TMEM132B: variants seen among roughly 807,000 people sequenced by gnomAD.
TMEM132B encodes transmembrane protein 132B.
Under a neutral mutation model 90.8 loss-of-function variants are expected in TMEM132B, and 18 were observed. That is an observed-to-expected ratio of 0.20 (90% CI 0.14 to 0.29). The LOEUF is 0.29. Among genes scored for constraint, TMEM132B ranks in the 10% least tolerant of loss-of-function variants. The probability of loss-of-function intolerance (pLI) is 1.00; values close to 1 mark genes in which losing one functional copy is unlikely to be tolerated. For missense variants in TMEM132B, 1,096 were observed against 1,326.8 expected, an observed-to-expected ratio of 0.83 and a Z score of 2.70; for synonymous variants, 504 against 523.3, an observed-to-expected ratio of 0.96 and a Z score of 0.50.
intron 5 of TMEM132B, among the ~76,000 whole-genome samples, chr12:125,614,863 G>A (rs1378498526): frequency 6.6e-6 from 1 of 152,106 alleles, no homozygotes; most frequent in African/African-American, 2.4e-5. Flanking sequence ...GTAAGGTGGG[G>A]CTGCTAGCAA....
intron 3 of TMEM132B, among the ~76,000 whole-genome samples, chr12:125,467,838 G>C (rs528443417): frequency 1.3e-5 from 2 of 152,260 alleles, no homozygotes; most frequent in South Asian, 4.1e-4. Flanking sequence ...GACATTTCAT[G>C]TAAATGGAAT....
At chr12:125,619,886 C>G (rs1886079710) in intron 5 of TMEM132B, among the ~76,000 whole-genome samples, 1 of 152,218 alleles carries the variant, frequency 6.6e-6, no homozygotes, top group South Asian at 2.1e-4. Flanking sequence ...GGCCATAAAT[C>G]TGTGTTGAAA....
chr12:125,358,817 G>C (rs1234420240), intron 2 of TMEM132B, among the ~76,000 whole-genome samples: 1 of 152,184 alleles, frequency 6.6e-6, no homozygotes, highest in Non-Finnish European at 1.5e-5. Flanking sequence ...AAGATTGTTT[G>C]AGATTACACA....
chr12:125,586,619 A>G (rs1885184405), intron 5 of TMEM132B: 1 of 152,248 alleles, frequency 6.6e-6, no homozygotes. Flanking sequence ...GTTGTAACTC[A>G]TGACTTTGTC....
intron 1 of TMEM132B, among the ~76,000 whole-genome samples, chr12:125,343,627 C>T (rs1452835197): frequency 6.6e-6 from 1 of 152,156 alleles, no homozygotes; most frequent in African/African-American, 2.4e-5. Context: ...TTTCTCTGTG[C>T]CTCAGTTTCA....
At chr12:125,244,141 G>C (rs138294132) in intron 1 of TMEM132B, among the ~76,000 whole-genome samples, 1 of 152,254 alleles carries the variant, frequency 6.6e-6, no homozygotes, top group East Asian at 1.9e-4. Flanking sequence ...AATATGCTGC[G>C]TTTTGTGTAT....
rs71447039 is a variant in TMEM132B at position 125,254,682 on chromosome 12, C to CTTTT, written c.67+67831_67+67834dup. Among the ~76,000 whole-genome samples, 9 of 132,340 alleles carry CTTTT rather than the reference C, an allele frequency of 6.8e-5. No individual in the cohort carries two copies. The Admixed American group carries it at 7.2e-4, about 11-fold the overall frequency. The allele number at this position is 132,340 out of a possible 152,430, so 86.8% of individuals were successfully genotyped here. On this transcript the variant is annotated intron_variant, in intron 1 of 8. Transcript: ENST00000682704. ...GAATGGGCCTAGGAGCCTCTTCCTA[C>CTTTT]TTTTTTTTTTTTTTTTTTCAGATGG...
At chr12:125,334,094 T>C (rs1876878193) in intron 1 of TMEM132B, among the ~76,000 whole-genome samples, 1 of 152,250 alleles carries the variant, frequency 6.6e-6, no homozygotes. Context: ...ATGGTGTTTT[T>C]ACTTGCTATT....
At chr12:125,513,753 T>C (rs2136639219) in intron 3 of TMEM132B, among the ~76,000 whole-genome samples, 1 of 152,376 alleles carries the variant, frequency 6.6e-6, no homozygotes, top group Non-Finnish European at 1.5e-5. Context: ...TCTTCTGTTG[T>C]AATTTATATT....
chr12:125,610,819 A>G (rs925872442), intron 5 of TMEM132B, among the ~76,000 whole-genome samples: 4 of 152,132 alleles, frequency 2.6e-5, no homozygotes, highest in African/African-American at 7.2e-5. Flanking sequence ...TCACATCTAT[A>G]TTCATAGGAT....
intron 1 of TMEM132B, among the ~76,000 whole-genome samples, chr12:125,236,924 A>G (rs1422953575): frequency 6.6e-6 from 1 of 152,198 alleles, no homozygotes; most frequent in Non-Finnish European, 1.5e-5. Flanking sequence ...TGCAGGCAGG[A>G]TGGTGCGGGA....
intron 1 of TMEM132B, among the ~76,000 whole-genome samples, chr12:125,265,994 C>T (rs1007946170): frequency 1.3e-5 from 2 of 151,940 alleles, no homozygotes; most frequent in African/African-American, 2.4e-5. Flanking sequence ...TTTGGGTGGC[C>T]GAGGCAGGTG....
chr12:125,517,167 CT>C (rs371346721), intron 3 of TMEM132B, among the ~76,000 whole-genome samples: 199 of 144,400 alleles, frequency 1.4e-3, no homozygotes, highest in East Asian at 2.2e-3. Context: ...CTCTCTCTCT[CT>C]TTTTTTTTTT....
At chr12:125,300,849 C>T (rs1367258454) in intron 1 of TMEM132B, 1 of 152,090 alleles carries the variant, frequency 6.6e-6, no homozygotes, top group African/African-American at 2.4e-5. Flanking sequence ...AGCCTTGTTC[C>T]TTCAGCTGCC....
In TMEM132B at chr12:125,389,055, C is replaced by CACACAA. The variant is rs1339030734; in HGVS notation, c.960-26475_960-26474insCACAAA. Among the ~76,000 whole-genome samples the CACACAA allele has an allele frequency of 7.9e-4, 113 of 143,678 alleles. 1 individual carries two copies. Among genetic ancestry groups the CACACAA allele is most frequent in the African/African-American group, 2.8e-3 (112 of 39,350 alleles). 94.3% of individuals were successfully genotyped at this position (143,678 alleles called of 152,430 possible). A position where few individuals can be genotyped will look rare whatever the true frequency, so the allele number is the denominator to read the frequency against. Reference sequence around the variant, plus strand: ...ACACACACACACACACACACACACACAAACACACAAGATTGATAAATCTAG... The same window carrying CACACAA: ...ACACACACACACACACACACACACACACACAAAAACACACAAGATTGATAAATCTAG... On this transcript the variant is annotated intron_variant, in intron 2 of 8. Transcript: ENST00000682704.
chr12:125,631,950 T>A (rs1219606647), intron 5 of TMEM132B, among the ~76,000 whole-genome samples: 1 of 152,084 alleles, frequency 6.6e-6, no homozygotes, highest in Non-Finnish European at 1.5e-5. Context: ...CCACTCTGTT[T>A]TTTTATTGAA....
chr12:125,411,569 C>G (rs1330434647), intron 2 of TMEM132B, among the ~76,000 whole-genome samples: 2 of 152,044 alleles, frequency 1.3e-5, no homozygotes, highest in African/African-American at 2.4e-5. Context: ...TTGGCCAAAC[C>G]TCTAGGGTAC....
intron 4 of TMEM132B, among the ~76,000 whole-genome samples, chr12:125,529,918 C>T (rs1222395504): frequency 6.6e-6 from 1 of 152,188 alleles, no homozygotes; most frequent in Non-Finnish European, 1.5e-5. Context: ...CGTTATCTTT[C>T]TATGTATCTA....
At chr12:125,220,720 C>G (rs1230142739) in intron 1 of TMEM132B, among the ~76,000 whole-genome samples, 1 of 152,218 alleles carries the variant, frequency 6.6e-6, no homozygotes, top group African/African-American at 2.4e-5. Context: ...ATCTTCCTGC[C>G]TCTACCCTCG....
Sources: gnomAD v4.1 joint callset for allele counts (sites outside exome capture counted in the v4.1 genomes callset) on GRCh38, gnomAD v4.1.1 for gene constraint, MANE v1.5 for transcripts, NCBI Gene and HGNC (gene_info 2026-07-23, HGNC 2026-07-21) for gene names.